Variants in KIAA1191 observed in about 807,000 individuals in gnomAD.
KIAA1191 encodes the protein KIAA1191.
Under a neutral mutation model 31.1 loss-of-function variants are expected in KIAA1191, and 22 were observed. The observed-to-expected ratio is 0.71, with a 90% confidence interval of 0.51 to 1.01. The LOEUF (loss-of-function observed/expected upper bound fraction) is 1.01. Ranked by LOEUF, KIAA1191 falls within the 50% of genes least tolerant of loss-of-function variation. The probability of loss-of-function intolerance (pLI) is 0.00; values close to 1 mark genes in which losing one functional copy is unlikely to be tolerated. For missense variants in KIAA1191, 319 were observed against 388.0 expected, an observed-to-expected ratio of 0.82 and a Z score of 1.49; for synonymous variants, 130 against 143.9, an observed-to-expected ratio of 0.90 and a Z score of 0.69.
Position 176,347,161 on chromosome 5 carries a change from C to T in KIAA1191, c.*439G>A, listed in dbSNP as rs1766572616. On this transcript the variant is annotated 3_prime_UTR_variant, in exon 9 of 9. Coordinates refer to ENST00000298569, the MANE Select transcript of KIAA1191 (RefSeq NM_020444.5). ...ACTAATGTTTCTCAAAAACCAATTA[C>T]ATCTCCAGCTCTAGCCTCAATTTAA... is the stretch of plus-strand genomic sequence containing the variant. The T allele has an allele frequency of 6.6e-6, 1 of 152,396 alleles. No homozygotes were observed. The highest frequency in any genetic ancestry group is 6.5e-5 in the Admixed American group (1 of 15,276). 9.4% of individuals were successfully genotyped at this position (152,396 alleles called of 1,614,324 possible). A position where few individuals can be genotyped will look rare whatever the true frequency, so the allele number is the denominator to read the frequency against.
At chr5:176,361,794 A>C (rs1236951707), upstream of KIAA1191, 1 of 152,326 alleles carries the variant, frequency 6.6e-6, no homozygotes, top group Non-Finnish European at 1.5e-5. This position sits in a 1 kb window ranked among gnomAD's most constrained non-coding sequence, Gnocchi z 4.0. Context: ...CTGCAGATAA[A>C]GCCTCCGGAG....
In KIAA1191 at chr5:176,355,757, CAG is replaced by C; in HGVS notation, c.29-10_29-9del. On this transcript the variant is annotated splice_polypyrimidine_tract_variant and intron_variant, in intron 3 of 8. Transcript: ENST00000298569. This position sits in a 1 kb window ranked among gnomAD's most constrained non-coding sequence, Gnocchi z 4.2. ...GCGCACTAGCCTCAAGAGCTAAGAACAGAGACACCTGTCAAGACAGGTTCAGC... is the reference window on the plus strand; with the variant it reads ...GCGCACTAGCCTCAAGAGCTAAGAACAGACACCTGTCAAGACAGGTTCAGC... 6.2e-7 allele frequency: 1 copy of C among 1,613,974 alleles called. No homozygotes were observed. Among genetic ancestry groups the C allele is most frequent in the Non-Finnish European group, 8.5e-7 (1 of 1,179,962 alleles).
intron 5 of KIAA1191, among the ~76,000 whole-genome samples, chr5:176,351,476 T>C (rs1055853464): frequency 6.7e-6 from 1 of 150,106 alleles, no homozygotes; most frequent in Admixed American, 6.6e-5. Context: ...AATCAAAGTA[T>C]AGGTGGTGCG....
chr5:176,356,889 A>G (rs769995697), intron 3 of KIAA1191, among the ~76,000 whole-genome samples: 11 of 152,332 alleles, frequency 7.2e-5, no homozygotes, highest in Admixed American at 3.3e-4. Context: ...TACTATTGCT[A>G]TTAGTAATAA....
At chr5:176,360,763 T>C (rs1767929072) in intron 1 of KIAA1191, among the ~76,000 whole-genome samples, 1 of 151,874 alleles carries the variant, frequency 6.6e-6, no homozygotes, top group Admixed American at 6.6e-5. Context: ...ATCGAGCCAC[T>C]GTACTCCAGC....
At chr5:176,352,528 A>G in intron 5 of KIAA1191, 94 bp downstream of exon 5, 1 of 1,410,820 alleles carries the variant, frequency 7.1e-7, no homozygotes, top group Non-Finnish European at 9.7e-7. Flanking sequence ...AGGTAAGGCG[A>G]GCGTGTTGCA....
At chr5:176,348,197 A>G in intron 7 of KIAA1191, 53 bp downstream of exon 7, 2 of 1,600,588 alleles carry the variant, frequency 1.2e-6, no homozygotes, top group Non-Finnish European at 1.7e-6. Flanking sequence ...CATCTGCCAC[A>G]CTAGCTTTCC....
chr5:176,354,956 C>T (rs11134974), intron 4 of KIAA1191, among the ~76,000 whole-genome samples: 80,026 of 151,874 alleles, frequency 0.53, 21,277 homozygotes, highest in Non-Finnish European at 0.57. Flanking sequence ...AGTTTTCAGG[C>T]AAATGGAGTG....
At chr5:176,353,329 GAAAC>G (rs1028339781) in intron 4 of KIAA1191, 6 of 152,282 alleles carry the variant, frequency 3.9e-5, no homozygotes, top group Non-Finnish European at 5.9e-5. Context: ...ATGGTCTTTT[GAAAC>G]AAACAAAAAA....
chr5:176,357,352 T>G (rs1352301633), intron 3 of KIAA1191: 1 of 152,126 alleles, frequency 6.6e-6, no homozygotes, highest in Non-Finnish European at 1.5e-5. Context: ...CGTAGTGTTG[T>G]TTGCACAACC....
At chr5:176,350,389 A>G (rs1159505630) in intron 6 of KIAA1191, among the ~76,000 whole-genome samples, 1 of 152,112 alleles carries the variant, frequency 6.6e-6, no homozygotes, top group Non-Finnish European at 1.5e-5. Context: ...AAGTACTCCT[A>G]TGTATATGTA....
intron 3 of KIAA1191, chr5:176,356,041 A>C (rs957934756): frequency 2.9e-6 from 1 of 341,980 alleles, no homozygotes; most frequent in Non-Finnish European, 5.5e-6. Flanking sequence ...CGGCACGATC[A>C]CGGCTCACTG....
At chr5:176,351,690 G>A (rs1386543659) in intron 5 of KIAA1191, among the ~76,000 whole-genome samples, 4 of 151,788 alleles carry the variant, frequency 2.6e-5, no homozygotes, top group East Asian at 1.9e-4. Context: ...CCTGGGAGGC[G>A]AAGGTTGTGG....
chr5:176,357,366 T>C (rs1249963515), intron 3 of KIAA1191: 2 of 152,082 alleles, frequency 1.3e-5, no homozygotes, highest in Non-Finnish European at 2.9e-5. Flanking sequence ...CACAACCCTG[T>C]GAATATACTA....
At position 176,346,333 on chromosome 5, in the gene KIAA1191, T is replaced by A. The variant is rs1581348238; in HGVS notation, c.*1267A>T. On this transcript the variant is annotated 3_prime_UTR_variant, in exon 9 of 9. Coordinates refer to ENST00000298569, the MANE Select transcript of KIAA1191 (RefSeq NM_020444.5). ...TATGTGTTGCATAAAGGGATGAGGC[T>A]CATTTTGGTGAAAAATGCTTTCATA... 6.6e-6 allele frequency: 1 copy of A among 152,262 alleles called. No individual in the cohort carries two copies. Among genetic ancestry groups the A allele is most frequent in the Non-Finnish European group, 1.5e-5 (1 of 68,050 alleles). The allele number at this position is 152,262 out of a possible 1,614,324, so 9.4% of individuals were successfully genotyped here.
intron 4 of KIAA1191, chr5:176,353,053 T>C (rs1767173918): frequency 4.8e-6 from 1 of 209,802 alleles, no homozygotes; most frequent in Non-Finnish European, 9.8e-6. Flanking sequence ...GCCCTAAGAA[T>C]GCAGAAGAAA....
At position 176,352,666 on chromosome 5, in the gene KIAA1191, A is replaced by G; in HGVS notation, c.290T>C (p.Val97Ala). The G allele has an allele frequency of 6.2e-7, 1 of 1,614,052 alleles. No homozygotes were observed. Among genetic ancestry groups the G allele is most frequent in the East Asian group, 2.2e-5 (1 of 44,874 alleles). The change falls in exon 5 of 9, where the codon GTG (valine) becomes GCG (alanine). Residue 97 changes from valine to alanine, a missense_variant. Coordinates refer to ENST00000298569, the MANE Select transcript of KIAA1191 (RefSeq NM_020444.5). ...AIDSVDKVPV[V>A]KAKATHVIMN... The stretch of plus-strand genomic sequence containing the variant: ...GATGACATGGGTAGCTTTAGCCTTC[A>G]CCACTGGGACCTTGTCCACACTGTC...
chr5:176,353,933 C>G (rs1767266752), intron 4 of KIAA1191, among the ~76,000 whole-genome samples: 1 of 152,238 alleles, frequency 6.6e-6, no homozygotes, highest in Non-Finnish European at 1.5e-5. Context: ...ATGGAATACT[C>G]TCCCTGAACA....
chr5:176,351,263 C>A lies in KIAA1191; in HGVS notation c.335-526G>T, dbSNP rs541305497. Among the ~76,000 whole-genome samples, 13 of 151,348 alleles carry A rather than the reference C, an allele frequency of 8.6e-5. 1 individual carries two copies. In the East Asian group the frequency reaches 2.5e-3, roughly 30 times the overall value. The stretch of plus-strand genomic sequence containing the variant: ...GTCTGAGGCAGGAGAATGGCGTGAA[C>A]CCGGGAGGCGGAGCTTGCAGTGAGT... On this transcript the variant is annotated intron_variant, in intron 5 of 8. Transcript: ENST00000298569.
Sources: allele counts gnomAD v4.1 joint callset (sites outside exome capture counted in the v4.1 genomes callset), GRCh38; gene constraint gnomAD v4.1.1; non-coding constraint Gnocchi (gnomAD v3.1); transcripts MANE v1.5; gene names NCBI Gene and HGNC (gene_info 2026-07-23, HGNC 2026-07-21).